Variants in PDS5B observed in about 807,000 individuals in gnomAD.
PDS5B encodes PDS5 cohesin associated factor B.
A neutral mutation model predicts 184.1 loss-of-function variants in PDS5B; 51 were observed. The ratio of observed to expected loss-of-function variants is 0.28; its 90% confidence interval spans 0.22 to 0.35. The LOEUF is 0.35. Ranked by LOEUF, PDS5B falls within the 10% of genes least tolerant of loss-of-function variation. The pLI, the probability that PDS5B is intolerant of heterozygous loss-of-function variation, is 1.00. For missense variants in PDS5B, 1,180 were observed against 1,723.3 expected, an observed-to-expected ratio of 0.68 and a Z score of 5.58; for synonymous variants, 566 against 569.2, an observed-to-expected ratio of 0.99 and a Z score of 0.08.
intron 4 of PDS5B, 40 bp from the exon 5 acceptor site, chr13:32,658,394 C>A: frequency 1.4e-6 from 2 of 1,431,148 alleles, no homozygotes; most frequent in Non-Finnish European, 1.9e-6. Context: ...TTTTAATAAT[C>A]AAAATGCTTA....
intron 1 of PDS5B, among the ~76,000 whole-genome samples, chr13:32,628,390 C>T (rs960418866): frequency 2.6e-5 from 4 of 151,824 alleles, no homozygotes; most frequent in Non-Finnish European, 5.9e-5. Context: ...CCCGTCTCTA[C>T]AAAAAATACA....
intron 32 of PDS5B, 46 bp downstream of exon 32, chr13:32,770,606 A>G (rs754423591): frequency 4.6e-5 from 73 of 1,601,554 alleles, no homozygotes; most frequent in Non-Finnish European, 6.0e-5. Flanking sequence ...TTACTATATT[A>G]TAAATCATAA....
intron 24 of PDS5B, among the ~76,000 whole-genome samples, chr13:32,750,847 C>CTGTGTGTGTGTGTGTGTGTG (rs71194534): frequency 3.8e-4 from 55 of 143,524 alleles, no homozygotes; most frequent in African/African-American, 9.7e-4. Flanking sequence ...CGGCCTCCCT[C>CTGTGTGTGTGTGTGTGTGTG]TGTGTGTGTG....
intron 27 of PDS5B, 148 bp from the exon 28 acceptor site, chr13:32,758,386 C>A: frequency 1.1e-6 from 1 of 926,140 alleles, no homozygotes. Flanking sequence ...ATGAGCAAAA[C>A]CAGTAGTGTA....
At chr13:32,764,768 A>C (rs555643009) in intron 31 of PDS5B, among the ~76,000 whole-genome samples, 174 bp downstream of exon 31, 1 of 152,316 alleles carries the variant, frequency 6.6e-6, no homozygotes, top group East Asian at 1.9e-4. Flanking sequence ...AAGTATATAG[A>C]ATCTGTGCTT....
At chr13:32,771,559 G>A (rs1954787628) in intron 33 of PDS5B, among the ~76,000 whole-genome samples, 1 of 151,960 alleles carries the variant, frequency 6.6e-6, no homozygotes, top group Non-Finnish European at 1.5e-5. Context: ...CCAATGTACT[G>A]TCATTAAATA....
intron 1 of PDS5B, among the ~76,000 whole-genome samples, chr13:32,637,435 G>C (rs1593305520): frequency 1.3e-5 from 2 of 152,206 alleles, no homozygotes; most frequent in East Asian, 3.9e-4. Context: ...GAAAAAAATT[G>C]GGAGACATTT....
At chr13:32,723,213 T>A (rs116254386) in intron 19 of PDS5B, among the ~76,000 whole-genome samples, 2,340 of 152,148 alleles carry the variant, frequency 0.015, 66 homozygotes, top group African/African-American at 0.054. Context: ...TTGAAAAAAA[T>A]GTTTCCAAAT....
At chr13:32,721,685 C>T (rs56347753) in intron 19 of PDS5B, among the ~76,000 whole-genome samples, 57,839 of 149,376 alleles carry the variant, frequency 0.39, 11,578 homozygotes, top group Non-Finnish European at 0.45. Flanking sequence ...AGATAGTGGG[C>T]GGCCAGGCAG....
At chr13:32,598,097 A>G (rs2057909471) in intron 1 of PDS5B, among the ~76,000 whole-genome samples, 1 of 151,940 alleles carries the variant, frequency 6.6e-6, no homozygotes, top group Non-Finnish European at 1.5e-5. Context: ...ACTTTTTGAG[A>G]TGGAGTCTCA....
chr13:32,661,938 A>G (rs1413312098), intron 6 of PDS5B, among the ~76,000 whole-genome samples: 1 of 152,178 alleles, frequency 6.6e-6, no homozygotes, highest in Non-Finnish European at 1.5e-5. Context: ...GGAGCTATTA[A>G]GTTTGAACTT....
intron 23 of PDS5B, among the ~76,000 whole-genome samples, chr13:32,745,767 C>A (rs923854657): frequency 6.6e-6 from 1 of 152,124 alleles, no homozygotes; most frequent in African/African-American, 2.4e-5. Flanking sequence ...CCCACAATGA[C>A]CTAATCACCT....
At chr13:32,719,504 A>G (rs559546516) in intron 19 of PDS5B, among the ~76,000 whole-genome samples, 10 of 151,998 alleles carry the variant, frequency 6.6e-5, no homozygotes, top group African/African-American at 2.4e-4. Context: ...ATTTTTAAAA[A>G]ATTCATTTGT....
chr13:32,710,735 C>G (rs1285101835), intron 19 of PDS5B, among the ~76,000 whole-genome samples: 1 of 152,108 alleles, frequency 6.6e-6, no homozygotes, highest in African/African-American at 2.4e-5. Flanking sequence ...CTGATACTGG[C>G]GTAGTCATAG....
At position 32,696,477 on chromosome 13, in the gene PDS5B, T is replaced by A. The variant is rs565921379; in HGVS notation, c.1552-377T>A. ...TTGTCTTTCTCCAGTGTCTTCCCCA[T>A]AAGCTTCATGACCATGCCTTATAAT... On this transcript the variant is annotated intron_variant, in intron 14 of 34. Transcript: ENST00000315596. 1.1e-4 allele frequency among the ~76,000 whole-genome samples: 16 copies of A among 152,064 alleles called. No homozygotes were observed. In the East Asian group the frequency reaches 2.7e-3, roughly 26 times the overall value.
At chr13:32,596,687 A>G (rs1416457161) in intron 1 of PDS5B, among the ~76,000 whole-genome samples, 17 of 151,982 alleles carry the variant, frequency 1.1e-4, no homozygotes, top group Admixed American at 7.9e-4. Flanking sequence ...TAGCTATTCT[A>G]GTGGGTGTGG....
At chr13:32,722,898 A>G (rs186061665) in intron 19 of PDS5B, among the ~76,000 whole-genome samples, 1 of 152,216 alleles carries the variant, frequency 6.6e-6, no homozygotes, top group African/African-American at 2.4e-5. Context: ...AAGAAGCTCT[A>G]GTGTCTTGCA....
intron 17 of PDS5B, among the ~76,000 whole-genome samples, chr13:32,702,761 G>A (rs1259483571): frequency 6.6e-6 from 1 of 152,266 alleles, no homozygotes; most frequent in Non-Finnish European, 1.5e-5. Context: ...ACTGTTATGA[G>A]ATGATCCTTA....
intron 18 of PDS5B, 40 bp from the exon 19 acceptor site, chr13:32,709,906 G>T (rs1952151516): frequency 8.3e-7 from 1 of 1,201,826 alleles, no homozygotes; most frequent in Middle Eastern, 2.4e-4. Flanking sequence ...TTATAAAGAT[G>T]AAAAAGTTTT....
Sources: allele counts gnomAD v4.1 joint callset (sites outside exome capture counted in the v4.1 genomes callset), GRCh38; gene constraint gnomAD v4.1.1; transcripts MANE v1.5; gene names NCBI Gene and HGNC (gene_info 2026-07-23, HGNC 2026-07-21).